The following SPATA6 variants were observed in gnomAD, a reference collection of about 807,000 sequenced individuals.
SPATA6 encodes spermatogenesis associated 6, also known as spermatogenesis-associated protein 6.
SPATA6 carries 56 observed loss-of-function variants against 65.3 expected under a neutral mutation model. That is an observed-to-expected ratio of 0.86 (90% CI 0.69 to 1.07). The LOEUF (loss-of-function observed/expected upper bound fraction) is 1.07. Ranked by LOEUF, SPATA6 falls within the 50% of genes least tolerant of loss-of-function variation. The pLI is 0.00. For missense variants in SPATA6, 590 were observed against 594.8 expected (o/e 0.99, Z 0.08); for synonymous variants, 199 against 213.2 (o/e 0.93, Z 0.58).
chr1:48,316,812 C>T (rs1217564652), intron 11 of SPATA6, among the ~76,000 whole-genome samples: 3 of 151,886 alleles, frequency 2.0e-5, no homozygotes, highest in African/African-American at 7.3e-5. Context: ...CTAGAATCTG[C>T]AATGAACTAA....
intron 9 of SPATA6, among the ~76,000 whole-genome samples, chr1:48,364,006 G>A (rs561511603): frequency 2.9e-4 from 44 of 151,032 alleles, no homozygotes; most frequent in Non-Finnish European, 5.3e-4. Flanking sequence ...CTGTGTCCAT[G>A]TGCTCTCCTT....
At chr1:48,331,400 GA>G (rs372155734) in intron 11 of SPATA6, among the ~76,000 whole-genome samples, 19,609 of 137,404 alleles carry the variant, frequency 0.14, 1,351 homozygotes, top group Non-Finnish European at 0.15. Flanking sequence ...ACAGCAAAAA[GA>G]AAAAAAAAAA....
At chr1:48,283,659 A>T in the SPATA6 span, among the ~76,000 whole-genome samples, 4 of 142,140 alleles carry the variant, frequency 2.8e-5, no homozygotes, top group East Asian at 8.3e-4. Flanking sequence ...AGCCTGGGTG[A>T]CAGAGCAAGA....
chr1:48,463,695 G>A (rs1245556133), intron 1 of SPATA6, among the ~76,000 whole-genome samples: 1 of 152,116 alleles, frequency 6.6e-6, no homozygotes, highest in African/African-American at 2.4e-5. Flanking sequence ...GCTTCACCTG[G>A]ATGGGTACAC....
At chr1:48,286,499 T>A in the SPATA6 span, among the ~76,000 whole-genome samples, 8 of 152,208 alleles carry the variant, frequency 5.3e-5, no homozygotes, top group African/African-American at 1.9e-4. Context: ...TGATTTTTTA[T>A]GTGCTAATTT....
At chr1:48,340,868 A>T (rs183241493) in intron 11 of SPATA6, among the ~76,000 whole-genome samples, 13 of 152,284 alleles carry the variant, frequency 8.5e-5, no homozygotes, top group Non-Finnish European at 2.9e-5. Context: ...TGACTATAAA[A>T]TTGTCAGATA....
At chr1:48,282,806 C>T in the SPATA6 span, among the ~76,000 whole-genome samples, 3 of 152,046 alleles carry the variant, frequency 2.0e-5, no homozygotes, top group African/African-American at 7.2e-5. Context: ...CTAGAAATAC[C>T]ATTTGACCCA....
chr1:48,444,531 A>G (rs759442731), intron 3 of SPATA6, among the ~76,000 whole-genome samples: 4 of 151,200 alleles, frequency 2.6e-5, no homozygotes, highest in Non-Finnish European at 3.0e-5. Flanking sequence ...AAACACACCA[A>G]TCAGCACTCT....
chr1:48,436,090 C>CCA, intron 3 of SPATA6: 1 of 1,609,934 alleles, frequency 6.2e-7, no homozygotes. Flanking sequence ...CTGGTCACCT[C>CCA]CATCCACTAG....
At chr1:48,420,553 T>C (rs528419220) in intron 3 of SPATA6, among the ~76,000 whole-genome samples, 1 of 152,202 alleles carries the variant, frequency 6.6e-6, no homozygotes, top group Non-Finnish European at 1.5e-5. Context: ...TCAATTGGTA[T>C]CTGCTGAAGA....
intron 8 of SPATA6, among the ~76,000 whole-genome samples, chr1:48,394,137 A>G (rs1040318605): frequency 3.3e-5 from 5 of 152,152 alleles, no homozygotes; most frequent in African/African-American, 1.2e-4. Flanking sequence ...TTGTACTACT[A>G]TTACTTTTCC....
chr1:48,450,821 G>T (rs962898407), intron 3 of SPATA6, among the ~76,000 whole-genome samples: 1 of 152,104 alleles, frequency 6.6e-6, no homozygotes, highest in African/African-American at 2.4e-5. Flanking sequence ...GGCCAGCAGG[G>T]GAGGCCAAAT....
intron 11 of SPATA6, among the ~76,000 whole-genome samples, chr1:48,327,305 C>T (rs766763783): frequency 1.3e-5 from 2 of 152,168 alleles, no homozygotes; most frequent in Non-Finnish European, 2.9e-5. Context: ...GATATCATCT[C>T]ACATGCATCA....
At chr1:48,365,378 A>G in intron 9 of SPATA6, among the ~76,000 whole-genome samples, 1 of 152,146 alleles carries the variant, frequency 6.6e-6, no homozygotes, top group East Asian at 1.9e-4. Context: ...GAATCTGTAA[A>G]TTACTTTGGG....
chr1:48,351,173 GAA>G (rs1002972615), intron 11 of SPATA6, among the ~76,000 whole-genome samples: 1 of 151,616 alleles, frequency 6.6e-6, no homozygotes, highest in Non-Finnish European at 1.5e-5. Flanking sequence ...CTGGTATATA[GAA>G]AAAAAATTGA....
intron 8 of SPATA6, among the ~76,000 whole-genome samples, chr1:48,388,386 A>C (rs923435429): frequency 3.3e-5 from 5 of 152,332 alleles, no homozygotes; most frequent in African/African-American, 1.2e-4. Flanking sequence ...CAAACAACTG[A>C]TATAACAGAT....
chr1:48,363,231 C>A (rs76719177), intron 9 of SPATA6, among the ~76,000 whole-genome samples: 11,703 of 152,160 alleles, frequency 0.077, 609 homozygotes, highest in East Asian at 0.23. Flanking sequence ...AAACTTAAAG[C>A]CTTCAGCCTT....
At position 48,332,432 on chromosome 1, in the gene SPATA6, C is replaced by T. The variant is rs1645942800; in HGVS notation, c.1194+23238G>A. Among the ~76,000 whole-genome samples the T allele has an allele frequency of 1.3e-5, 2 of 152,040 alleles. 1 individual carries two copies. The highest frequency in any genetic ancestry group is 4.1e-4 in the South Asian group (2 of 4,824). ...GAAAACTGAAAAAGGCAGAGTATGC[C>T]ATCCTAATTTCAGATAAAAGAGAAT... On this transcript the variant is annotated intron_variant, in intron 11 of 12. Coordinates refer to ENST00000371847, the MANE Select transcript of SPATA6 (RefSeq NM_019073.4).
In SPATA6 at chr1:48,428,902, T is replaced by G. The variant is rs560688199; in HGVS notation, c.239-15751A>C. Among the ~76,000 whole-genome samples the G allele has an allele frequency of 2.0e-5, 3 of 151,744 alleles. No individual in the cohort carries two copies. In the South Asian group the frequency reaches 6.3e-4, roughly 32 times the overall value. Reference sequence around the variant, plus strand: ...GTGTGTGTGTGTGTGTTTGTGTGTGTGTGTGACAGATCTATTTAATAGATC... The same window carrying G: ...GTGTGTGTGTGTGTGTTTGTGTGTGGGTGTGACAGATCTATTTAATAGATC... On this transcript the variant is annotated intron_variant, in intron 3 of 12. Coordinates refer to ENST00000371847, the MANE Select transcript of SPATA6 (RefSeq NM_019073.4).
Sources: allele counts gnomAD v4.1 joint callset (sites outside exome capture counted in the v4.1 genomes callset), GRCh38; gene constraint gnomAD v4.1.1; transcripts MANE v1.5; gene names NCBI Gene and HGNC (gene_info 2026-07-23, HGNC 2026-07-21).